The following CADM2 variants were observed in gnomAD, a reference collection of about 807,000 sequenced individuals.
The protein encoded by CADM2 is cell adhesion molecule 2.
Under a neutral mutation model 49.8 loss-of-function variants are expected in CADM2, and 12 were observed. That is an observed-to-expected ratio of 0.24 (90% CI 0.15 to 0.39). The LOEUF (loss-of-function observed/expected upper bound fraction) is 0.39, where lower values mean the gene tolerates loss of function less well. CADM2 is among the 10% of genes least tolerant of loss of function. The pLI is 1.00. For missense variants in CADM2, 378 were observed against 492.3 expected (o/e 0.77, Z 2.20); for synonymous variants, 214 against 175.4 (o/e 1.22, Z -1.74).
intron 1 of CADM2, among the ~76,000 whole-genome samples, chr3:85,419,988 A>C (rs2036095436): frequency 6.6e-6 from 1 of 152,178 alleles, no homozygotes; most frequent in African/African-American, 2.4e-5. Flanking sequence ...TTTTCGCCTC[A>C]GGAACACAGT....
At chr3:85,062,370 A>G (rs1018715379) in intron 1 of CADM2, among the ~76,000 whole-genome samples, 3 of 152,078 alleles carry the variant, frequency 2.0e-5, no homozygotes, top group African/African-American at 7.2e-5. Context: ...CAACATTATG[A>G]TCACCCTTTT....
chr3:85,665,886 C>T (rs1559579902), intron 1 of CADM2, among the ~76,000 whole-genome samples: 2 of 150,762 alleles, frequency 1.3e-5, no homozygotes, highest in Non-Finnish European at 3.0e-5. Context: ...ATGAGAAAGG[C>T]TTTTTTTTTC....
chr3:85,666,116 A>G lies in CADM2; in HGVS notation c.62-60406A>G, dbSNP rs528144520. ...CCAACAACAGACAAACAGAGAGCCAAATCATAAGTGAACTCCCATTCACAA... is the reference window on the plus strand; with the variant it reads ...CCAACAACAGACAAACAGAGAGCCAGATCATAAGTGAACTCCCATTCACAA... On this transcript the variant is annotated intron_variant, in intron 1 of 9. Transcript: ENST00000383699. Among the ~76,000 whole-genome samples, 16 of 152,176 alleles carry G rather than the reference A, an allele frequency of 1.1e-4. No homozygotes were observed. The East Asian group carries it at 2.9e-3, about 28-fold the overall frequency.
At chr3:85,198,749 G>A (rs1387089689) in intron 1 of CADM2, among the ~76,000 whole-genome samples, 4 of 151,766 alleles carry the variant, frequency 2.6e-5, no homozygotes, top group Non-Finnish European at 5.9e-5. Flanking sequence ...AGCATAATTG[G>A]TGTTAAGTTG....
intron 1 of CADM2, among the ~76,000 whole-genome samples, chr3:85,542,293 A>G (rs1184527145): frequency 6.6e-6 from 1 of 152,106 alleles, no homozygotes; most frequent in African/African-American, 2.4e-5. Flanking sequence ...GCCCTGAGAA[A>G]TTGTTCTTAT....
intron 1 of CADM2, among the ~76,000 whole-genome samples, chr3:85,506,167 A>C (rs1033528047): frequency 5.9e-5 from 9 of 152,314 alleles, no homozygotes; most frequent in Admixed American, 5.9e-4. Flanking sequence ...TTTGTGCATC[A>C]GGTAAATTGT....
At chr3:85,420,779 C>T (rs561098640) in intron 1 of CADM2, among the ~76,000 whole-genome samples, 55 of 152,126 alleles carry the variant, frequency 3.6e-4, no homozygotes, top group Non-Finnish European at 3.4e-4. Context: ...ATAAGGATGA[C>T]TCAGAATGTG....
intron 2 of CADM2, among the ~76,000 whole-genome samples, chr3:85,780,027 TTAA>T (rs1213138956): frequency 6.6e-6 from 1 of 152,156 alleles, no homozygotes; most frequent in Admixed American, 6.6e-5. Flanking sequence ...TAAATATTTC[TTAA>T]GCTTCCATAA....
intron 1 of CADM2, among the ~76,000 whole-genome samples, chr3:85,451,403 C>A (rs143959209): frequency 1.2e-3 from 184 of 151,900 alleles, no homozygotes; most frequent in African/African-American, 4.2e-3. Context: ...TTTTCGTAAC[C>A]ATTCATAGTT....
chr3:85,071,290 G>A (rs1282990146), intron 1 of CADM2, among the ~76,000 whole-genome samples: 1 of 151,926 alleles, frequency 6.6e-6, no homozygotes. Flanking sequence ...AGATGGGAGA[G>A]GGAGAATGTC....
chr3:85,162,515 T>C (rs893225259), intron 1 of CADM2, among the ~76,000 whole-genome samples: 2 of 152,016 alleles, frequency 1.3e-5, no homozygotes, highest in Non-Finnish European at 2.9e-5. Context: ...AAAAATACCA[T>C]TTTTCAAGTT....
intron 1 of CADM2, among the ~76,000 whole-genome samples, chr3:85,465,041 C>T (rs910126456): frequency 6.6e-6 from 1 of 152,124 alleles, no homozygotes; most frequent in Non-Finnish European, 1.5e-5. Flanking sequence ...CCCAGCAACT[C>T]GGGAGGCTGA....
At chr3:85,494,592 G>A (rs1288296648) in intron 1 of CADM2, among the ~76,000 whole-genome samples, 1 of 152,022 alleles carries the variant, frequency 6.6e-6, no homozygotes, top group Non-Finnish European at 1.5e-5. Flanking sequence ...ATGTTTAAAA[G>A]GTAGGAAACT....
intron 3 of CADM2, among the ~76,000 whole-genome samples, chr3:85,845,381 A>T (rs2074836845): frequency 6.6e-6 from 1 of 152,040 alleles, no homozygotes; most frequent in South Asian, 2.1e-4. Context: ...CCCTCCGGAG[A>T]CCACTCTCAG....
chr3:85,991,389 C>T (rs907040065), intron 8 of CADM2, among the ~76,000 whole-genome samples: 1 of 152,056 alleles, frequency 6.6e-6, no homozygotes, highest in Non-Finnish European at 1.5e-5. Flanking sequence ...TAAAGTTTTG[C>T]CTCTTCTATA....
intron 1 of CADM2, among the ~76,000 whole-genome samples, chr3:85,591,592 T>A (rs2063109668): frequency 6.6e-6 from 1 of 151,978 alleles, no homozygotes; most frequent in South Asian, 2.1e-4. Flanking sequence ...ACTTTTTAGT[T>A]GGGGAAGAGC....
chr3:85,924,919 C>T (rs901984970), intron 6 of CADM2, among the ~76,000 whole-genome samples: 1 of 152,132 alleles, frequency 6.6e-6, no homozygotes, highest in African/African-American at 2.4e-5. Flanking sequence ...TAATGCTGCT[C>T]TCAAGTACTC....
chr3:85,422,736 A>G (rs1298943316), intron 1 of CADM2, among the ~76,000 whole-genome samples: 1 of 152,126 alleles, frequency 6.6e-6, no homozygotes, highest in Non-Finnish European at 1.5e-5. Context: ...GAGATGGGCA[A>G]CTGGGGTGTG....
In CADM2 at chr3:86,059,976, A is replaced by C. The variant is rs557529676; in HGVS notation, c.971-5629A>C. On this transcript the variant is annotated intron_variant, in intron 8 of 9. Coordinates refer to ENST00000383699, the MANE Select transcript of CADM2 (RefSeq NM_001167675.2). ...TTTTCTCATATCCATATTATCTTTA[A>C]AACCTTAAAATCCTATGAAAATATG... Among the ~76,000 whole-genome samples the C allele has an allele frequency of 2.2e-3, 339 of 152,280 alleles. 1 individual carries two copies. The highest frequency in any genetic ancestry group is 7.5e-3 in the African/African-American group (310 of 41,580).
Sources: gnomAD v4.1 joint callset for allele counts (sites outside exome capture counted in the v4.1 genomes callset) on GRCh38, gnomAD v4.1.1 for gene constraint, MANE v1.5 for transcripts, NCBI Gene and HGNC (gene_info 2026-07-23, HGNC 2026-07-21) for gene names.